The following BEND4 variants were observed in gnomAD, a reference collection of about 807,000 sequenced individuals.
The protein encoded by BEND4 is BEN domain containing 4.
A neutral mutation model predicts 54.7 loss-of-function variants in BEND4; 27 were observed. The observed-to-expected ratio is 0.49, with a 90% CI of 0.36 to 0.68. The LOEUF (loss-of-function observed/expected upper bound fraction) is 0.68, where lower values mean the gene tolerates loss of function less well. Among genes scored for constraint, BEND4 ranks in the 30% least tolerant of loss-of-function variants. BEND4 has a pLI of 0.00. For synonymous variants in BEND4, 327 were observed against 299.5 expected, an observed-to-expected ratio of 1.09 and a Z score of -0.95; for missense variants, 702 against 697.2, an observed-to-expected ratio of 1.01 and a Z score of -0.08.
At position 42,125,685 on chromosome 4, in the gene BEND4, G is replaced by T; in HGVS notation, c.1055-11C>A. 4 of 1,556,678 alleles carry T rather than the reference G, an allele frequency of 2.6e-6. No individual in the cohort carries two copies. Among genetic ancestry groups the T allele is most frequent in the Non-Finnish European group, 1.7e-6 (2 of 1,144,086 alleles). On this transcript the variant is annotated splice_polypyrimidine_tract_variant and intron_variant, in intron 3 of 5. Coordinates refer to ENST00000502486, the MANE Select transcript of BEND4 (RefSeq NM_207406.4). ...CGGTCTGGCAGGGCACTGGGTGGAA[G>T]AAATGGCAACAATTACACATTGGCT...
chr4:42,120,275 T>C lies in BEND4; in HGVS notation c.1166A>G (p.Asn389Ser), dbSNP rs753291774. ...GCTCGTTATGTAGACAGGATAGTTG[T>C]TCAACAGCTGCTTGCTTCCCTGGAA... is the stretch of plus-strand genomic sequence containing the variant. ...QPTEGSKQLL[N>S]NYPVYITSKQ... The change falls in exon 5 of 6, where the codon AAC becomes AGC. Residue 389 changes from asparagine to serine, a missense_variant. Coordinates refer to ENST00000502486, the MANE Select transcript of BEND4 (RefSeq NM_207406.4). The C allele has an allele frequency of 3.8e-6, 6 of 1,597,128 alleles. No homozygotes were observed.
chr4:42,145,689 C>CA (rs5857833), intron 2 of BEND4, among the ~76,000 whole-genome samples: 7,959 of 104,728 alleles, frequency 0.076, 386 homozygotes, highest in African/African-American at 0.16. Context: ...GACTCCATCT[C>CA]AAAAAAAAAA....
chr4:42,131,444 A>C (rs1720505431), intron 3 of BEND4, among the ~76,000 whole-genome samples: 1 of 152,240 alleles, frequency 6.6e-6, no homozygotes, highest in African/African-American at 2.4e-5. Flanking sequence ...AATTGTAAAA[A>C]GTGTTTACAG....
intron 4 of BEND4, among the ~76,000 whole-genome samples, chr4:42,121,097 T>C (rs1720041855): frequency 6.6e-6 from 1 of 152,198 alleles, no homozygotes; most frequent in Admixed American, 6.5e-5. Context: ...GACAAATTAA[T>C]TAACCCATGA....
chr4:42,137,795 A>C (rs892200165), intron 3 of BEND4, among the ~76,000 whole-genome samples: 2 of 152,184 alleles, frequency 1.3e-5, no homozygotes, highest in Non-Finnish European at 1.5e-5. Flanking sequence ...TGCACAAAAG[A>C]CCTGAATAGA....
chr4:42,124,277 T>C (rs570608445), intron 4 of BEND4, among the ~76,000 whole-genome samples: 15 of 152,182 alleles, frequency 9.9e-5, no homozygotes, highest in African/African-American at 3.6e-4. Flanking sequence ...CACCTGCGCC[T>C]GGGAGGTCGA....
intron 5 of BEND4, 72 bp from the exon 6 acceptor site, chr4:42,117,807 C>T (rs1719905286): frequency 9.7e-7 from 1 of 1,033,326 alleles, no homozygotes; most frequent in African/African-American, 1.6e-5. Context: ...GATGACAGGG[C>T]AGGCTGCTTA....
intron 3 of BEND4, among the ~76,000 whole-genome samples, 178 bp downstream of exon 3, chr4:42,143,250 G>C (rs1414134877): frequency 6.6e-6 from 1 of 152,208 alleles, no homozygotes; most frequent in African/African-American, 2.4e-5. Context: ...TGGACGGGCT[G>C]AGAAGCTCTT....
intron 4 of BEND4, among the ~76,000 whole-genome samples, chr4:42,123,694 G>GAAAAAAAAAAACAAAAAAAAAAAAA (rs1553921966): frequency 2.0e-5 from 1 of 50,804 alleles, no homozygotes; most frequent in Non-Finnish European, 3.9e-5. Flanking sequence ...CTGTAATTCA[G>GAAAAAAAAAAACAAAAAAAAAAAAA]AAAAAAAAAA....
chr4:42,137,415 G>A (rs759245199), intron 3 of BEND4, among the ~76,000 whole-genome samples: 22 of 152,138 alleles, frequency 1.4e-4, no homozygotes, highest in Non-Finnish European at 2.9e-4. Flanking sequence ...TAAAAGTCCT[G>A]GAAGACAAAG....
intron 4 of BEND4, among the ~76,000 whole-genome samples, chr4:42,120,577 C>G (rs1035151641): frequency 1.3e-5 from 2 of 152,126 alleles, no homozygotes; most frequent in African/African-American, 4.8e-5. Context: ...TGTCAAGATC[C>G]AATGACAGGG....
rs557371820 is a variant in BEND4 at position 42,137,276 on chromosome 4, C to T, written c.1054+6152G>A. Among the ~76,000 whole-genome samples the T allele has an allele frequency of 1.2e-3, 179 of 152,250 alleles. 1 individual carries two copies. The highest frequency in any genetic ancestry group is 4.2e-3 in the African/African-American group (175 of 41,544). Reference sequence around the variant, plus strand: ...GGGTCCTACAAAAATATTAACAATACTCTTCAACTAAGGGTGTGGGAAAAC... The same window carrying T: ...GGGTCCTACAAAAATATTAACAATATTCTTCAACTAAGGGTGTGGGAAAAC... On this transcript the variant is annotated intron_variant, in intron 3 of 5. Coordinates refer to ENST00000502486, the MANE Select transcript of BEND4 (RefSeq NM_207406.4).
rs1007887455 is a variant in BEND4 at position 42,112,411 on chromosome 4, A to G, written c.*5107T>C. 1.3e-5 allele frequency: 2 copies of G among 152,230 alleles called. No individual in the cohort carries two copies. The highest frequency in any genetic ancestry group is 2.4e-5 in the African/African-American group (1 of 41,464). 9.4% of individuals were successfully genotyped at this position (152,230 alleles called of 1,614,324 possible). ...CTGAACGGGCCCAAATAGTTTTCCAATGTGGCCAGGATACATCTGGCCACT... is the reference window on the plus strand; with the variant it reads ...CTGAACGGGCCCAAATAGTTTTCCAGTGTGGCCAGGATACATCTGGCCACT... On this transcript the variant is annotated 3_prime_UTR_variant, in exon 6 of 6. Transcript: ENST00000502486.
chr4:42,143,748 A>T lies in BEND4; in HGVS notation c.734T>A (p.Phe245Tyr). 1 of 1,613,978 alleles carries T rather than the reference A, an allele frequency of 6.2e-7. No individual in the cohort carries two copies. The highest frequency in any genetic ancestry group is 8.5e-7 in the Non-Finnish European group (1 of 1,179,884). The change falls in exon 3 of 6, where the codon TTT becomes TAT. Residue 245 changes from phenylalanine (F) to tyrosine (Y), a missense_variant. Physicochemically the swap from Phe to Tyr is conservative, Grantham distance 22. Coordinates refer to ENST00000502486, the MANE Select transcript of BEND4 (RefSeq NM_207406.4). The stretch of plus-strand genomic sequence containing the variant: ...TAGAGAGTCAGTGAAAACCCTCAAA[A>T]AGGCAGAAGTTTGTTGTTTCCTTTG... ...YMQRKQQTSA[F>Y]LRVFTDSLQN...
intron 4 of BEND4, among the ~76,000 whole-genome samples, chr4:42,123,088 C>T (rs1220534776): frequency 6.6e-6 from 1 of 152,106 alleles, no homozygotes; most frequent in Non-Finnish European, 1.5e-5. Context: ...AGGTAATTTT[C>T]ATCAAGAAAA....
intron 2 of BEND4, among the ~76,000 whole-genome samples, chr4:42,149,981 A>T (rs1721206811): frequency 6.6e-6 from 1 of 152,200 alleles, no homozygotes; most frequent in Non-Finnish European, 1.5e-5. Flanking sequence ...ACCTGGGCAG[A>T]TAGAGGGGAA....
At chr4:42,126,246 T>G (rs888149182) in intron 3 of BEND4, among the ~76,000 whole-genome samples, 1 of 152,216 alleles carries the variant, frequency 6.6e-6, no homozygotes, top group South Asian at 2.1e-4. Context: ...TCAACAATCA[T>G]GATCACAAAG....
Position 42,116,497 on chromosome 4 carries a change from G to C in BEND4, c.*1021C>G, listed in dbSNP as rs538622300. The C allele has an allele frequency of 6.6e-6, 1 of 152,280 alleles. No individual in the cohort carries two copies. Among genetic ancestry groups the C allele is most frequent in the African/African-American group, 2.4e-5 (1 of 41,546 alleles). 9.4% of individuals were successfully genotyped at this position (152,280 alleles called of 1,614,324 possible). A position where few individuals can be genotyped will look rare whatever the true frequency, so the allele number is the denominator to read the frequency against. On this transcript the variant is annotated 3_prime_UTR_variant, in exon 6 of 6. Coordinates refer to ENST00000502486, the MANE Select transcript of BEND4 (RefSeq NM_207406.4). Reference sequence around the variant, plus strand: ...GAAATGTTTTCATCAAGGACAATGGGAAACAAGTTTCATACAAATTCTAAA... The same window carrying C: ...GAAATGTTTTCATCAAGGACAATGGCAAACAAGTTTCATACAAATTCTAAA...
chr4:42,145,636 G>A (rs950181970), intron 2 of BEND4, among the ~76,000 whole-genome samples: 1 of 149,508 alleles, frequency 6.7e-6, no homozygotes, highest in East Asian at 2.0e-4. Flanking sequence ...AGGTTGCAGT[G>A]AGCCAAGATG....
Sources: gnomAD v4.1 joint callset for allele counts (sites outside exome capture counted in the v4.1 genomes callset) on GRCh38, gnomAD v4.1.1 for gene constraint, MANE v1.5 for transcripts, NCBI Gene and HGNC (gene_info 2026-07-23, HGNC 2026-07-21) for gene names.